The following SLC15A5 variants were observed in gnomAD, a reference collection of about 807,000 sequenced individuals.
SLC15A5 encodes the protein solute carrier family 15 member 5.
SLC15A5 carries 58 observed loss-of-function variants against 56.1 expected under a neutral mutation model. The observed-to-expected ratio is 1.03, with a 90% CI of 0.84 to 1.29. The LOEUF is 1.29. SLC15A5 is among the 50% of genes most tolerant of loss of function. The pLI is 0.00. For synonymous variants in SLC15A5, 264 were observed against 250.5 expected, an observed-to-expected ratio of 1.05 and a Z score of -0.51; for missense variants, 681 against 672.1, an observed-to-expected ratio of 1.01 and a Z score of -0.15.
Position 16,271,469 on chromosome 12 carries a change from C to A in SLC15A5, c.584+1092G>T, listed in dbSNP as rs1010121362. On this transcript the variant is annotated intron_variant, in intron 2 of 8. Coordinates refer to ENST00000344941, the MANE Select transcript of SLC15A5 (RefSeq NM_001170798.1). This position sits in a 1 kb window ranked among gnomAD's most constrained non-coding sequence, Gnocchi z 8.0. ...AATTTGCTGCAAGGAAGTAAAGAGT[C>A]CCTTCTACCTTTGGTAAGACTGCAT... 1.3e-5 allele frequency among the ~76,000 whole-genome samples: 2 copies of A among 152,138 alleles called. No homozygotes were observed. Among genetic ancestry groups the A allele is most frequent in the African/African-American group, 4.8e-5 (2 of 41,444 alleles).
intron 3 of SLC15A5, among the ~76,000 whole-genome samples, chr12:16,246,984 CATAAA>C (rs1261627897): frequency 2.0e-5 from 3 of 152,016 alleles, no homozygotes; most frequent in African/African-American, 7.3e-5. Flanking sequence ...AATATCTAAA[CATAAA>C]ATAAAGACAT....
chr12:16,195,137 G>A (rs1463644498), intron 7 of SLC15A5, among the ~76,000 whole-genome samples: 1 of 151,944 alleles, frequency 6.6e-6, no homozygotes, highest in Non-Finnish European at 1.5e-5. Context: ...AAGGTTCAAG[G>A]TAATTACTTT....
intron 7 of SLC15A5, among the ~76,000 whole-genome samples, chr12:16,206,014 A>G (rs73055938): frequency 0.012 from 1,754 of 152,250 alleles, 13 homozygotes; most frequent in Non-Finnish European, 0.018. Context: ...ACTGAAATGG[A>G]TTTTATACTC....
At chr12:16,232,443 A>C (rs1438637241) in intron 5 of SLC15A5, among the ~76,000 whole-genome samples, 3 of 152,168 alleles carry the variant, frequency 2.0e-5, no homozygotes. Flanking sequence ...AAGAAAGGAA[A>C]CTTTTTTTAA....
At chr12:16,240,456 A>G (rs1198587929) in intron 4 of SLC15A5, among the ~76,000 whole-genome samples, 2 of 152,110 alleles carry the variant, frequency 1.3e-5, no homozygotes, top group East Asian at 3.9e-4. Flanking sequence ...GGGGGAGGAA[A>G]AAAAAACCTT....
At chr12:16,216,108 CAAT>C (rs1390032658) in intron 7 of SLC15A5, among the ~76,000 whole-genome samples, 9 of 151,994 alleles carry the variant, frequency 5.9e-5, no homozygotes, top group Non-Finnish European at 8.8e-5. Flanking sequence ...TAGTGCACAA[CAAT>C]AAGTATTTTT....
intron 1 of SLC15A5, among the ~76,000 whole-genome samples, chr12:16,274,613 G>A (rs189876857): frequency 5.9e-4 from 90 of 152,184 alleles, no homozygotes; most frequent in Non-Finnish European, 9.7e-4. Flanking sequence ...AAATTATTGA[G>A]TTTGAAATGT....
Position 16,239,810 on chromosome 12 carries a change from G to A in SLC15A5, c.1033C>T (p.Leu345Phe), listed in dbSNP as rs1451578534. ...MNSNLNLDGF[L>F]LPIAVMNAIS... The stretch of plus-strand genomic sequence containing the variant: ...GCATTCATTACTGCAATCGGCAGAA[G>A]AAATCCATCCAAATTCAGGTTGGAA... The change falls in exon 5 of 9, where the codon CTT (leucine) becomes TTT (phenylalanine). Residue 345 changes from leucine (L) to phenylalanine (F), a missense_variant. Coordinates refer to ENST00000344941, the MANE Select transcript of SLC15A5 (RefSeq NM_001170798.1). The A allele has an allele frequency of 2.6e-6, 4 of 1,537,210 alleles. No individual in the cohort carries two copies. The highest frequency in any genetic ancestry group is 3.5e-6 in the Non-Finnish European group (4 of 1,146,872).
In SLC15A5 at chr12:16,259,904, G is replaced by GC. The variant is rs1555173561; in HGVS notation, c.585-2035_585-2034insG. On this transcript the variant is annotated intron_variant, in intron 2 of 8. Coordinates refer to ENST00000344941, the MANE Select transcript of SLC15A5 (RefSeq NM_001170798.1). ...TACCCAGCTGACACCACCCGGGCGG[G>GC]GGGTAAGTTAGAGCACTTCCAGTTT... Among the ~76,000 whole-genome samples, 62 of 151,794 alleles carry GC rather than the reference G, an allele frequency of 4.1e-4. 1 individual carries two copies. Among genetic ancestry groups the GC allele is most frequent in the Non-Finnish European group, 6.2e-4 (42 of 67,884 alleles).
intron 3 of SLC15A5, among the ~76,000 whole-genome samples, chr12:16,256,279 A>C (rs1864570717): frequency 6.6e-6 from 1 of 152,222 alleles, no homozygotes; most frequent in Non-Finnish European, 1.5e-5. Context: ...GTAAAAGAGG[A>C]AGAAATATAG....
intron 4 of SLC15A5, among the ~76,000 whole-genome samples, chr12:16,241,927 GA>G (rs1864417894): frequency 1.3e-5 from 2 of 152,116 alleles, no homozygotes; most frequent in East Asian, 1.9e-4. Flanking sequence ...TTGAAAGCTT[GA>G]AATCATTTCT....
intron 2 of SLC15A5, among the ~76,000 whole-genome samples, chr12:16,265,030 G>A (rs1441487920): frequency 6.6e-6 from 1 of 152,164 alleles, no homozygotes; most frequent in African/African-American, 2.4e-5. Flanking sequence ...TGAAGTTCAT[G>A]GCAAGAAGTT....
chr12:16,216,262 A>T (rs972497026), intron 7 of SLC15A5, among the ~76,000 whole-genome samples: 1 of 152,232 alleles, frequency 6.6e-6, no homozygotes, highest in Non-Finnish European at 1.5e-5. Context: ...GTGATGACTT[A>T]TCATTATTGT....
At position 16,191,453 on chromosome 12, in the gene SLC15A5, G is replaced by T. The variant is rs915624593; in HGVS notation, c.1593-1638C>A. ...GGACTGCCTTGTTCTTGATAGATTT[G>T]CCACTATTACCTGGCTGTGAACAGA... On this transcript the variant is annotated intron_variant, in intron 8 of 8. Coordinates refer to ENST00000344941, the MANE Select transcript of SLC15A5 (RefSeq NM_001170798.1). 3.9e-5 allele frequency among the ~76,000 whole-genome samples: 6 copies of T among 152,102 alleles called. No homozygotes were observed. The South Asian group carries it at 1.2e-3, about 32-fold the overall frequency.
At chr12:16,210,751 G>A (rs577392140) in intron 7 of SLC15A5, among the ~76,000 whole-genome samples, 32 of 152,268 alleles carry the variant, frequency 2.1e-4, no homozygotes, top group Non-Finnish European at 4.3e-4. Flanking sequence ...TCAAATGTCT[G>A]CCTTTTCTAC....
At chr12:16,265,102 G>A (rs1591660832) in intron 2 of SLC15A5, among the ~76,000 whole-genome samples, 1 of 152,176 alleles carries the variant, frequency 6.6e-6, no homozygotes, top group African/African-American at 2.4e-5. Context: ...GGTCTCATAT[G>A]ATCTTGTTTT....
intron 7 of SLC15A5, among the ~76,000 whole-genome samples, chr12:16,213,329 C>A (rs1345789944): frequency 6.6e-6 from 1 of 152,132 alleles, no homozygotes; most frequent in African/African-American, 2.4e-5. Flanking sequence ...ATTATCATTA[C>A]TGAAATAGAA....
rs1176501171 is a variant in SLC15A5 at position 16,196,616 on chromosome 12, C to G, written c.1484-2163G>C. The stretch of plus-strand genomic sequence containing the variant: ...CTGTCCTTTTCATTTCACATCAGCA[C>G]TTTGCATGTCATGCGATTATACCTT... On this transcript the variant is annotated intron_variant, in intron 7 of 8. Coordinates refer to ENST00000344941, the MANE Select transcript of SLC15A5 (RefSeq NM_001170798.1). The surrounding 1 kb of genome is among the most constrained non-coding windows in gnomAD (Gnocchi z 4.0). 6.6e-6 allele frequency among the ~76,000 whole-genome samples: 1 copy of G among 152,052 alleles called. No homozygotes were observed. The highest frequency in any genetic ancestry group is 1.5e-5 in the Non-Finnish European group (1 of 68,000).
intron 5 of SLC15A5, among the ~76,000 whole-genome samples, chr12:16,227,458 A>C (rs976345411): frequency 6.6e-6 from 1 of 152,144 alleles, no homozygotes; most frequent in African/African-American, 2.4e-5. Flanking sequence ...CTCATATTCT[A>C]TTGGGGAGTA....
Sources: allele counts gnomAD v4.1 joint callset (sites outside exome capture counted in the v4.1 genomes callset), GRCh38; gene constraint gnomAD v4.1.1; non-coding constraint Gnocchi (gnomAD v3.1); transcripts MANE v1.5; gene names NCBI Gene and HGNC (gene_info 2026-07-23, HGNC 2026-07-21).